The following ZNF90 variants were observed in gnomAD, a reference collection of about 807,000 sequenced individuals.
The protein encoded by ZNF90 is zinc finger protein HTF9.
In ZNF90, 11 loss-of-function variants were observed where a neutral mutation model predicts 12.0. That is an observed-to-expected ratio of 0.92 (90% CI 0.58 to 1.52). The LOEUF is 1.52. ZNF90 is among the 40% of genes most tolerant of loss of function. The pLI is 0.00. For missense variants in ZNF90, 765 were observed against 711.5 expected (o/e 1.08, Z -0.86); for synonymous variants, 232 against 240.1 (o/e 0.97, Z 0.31).
Position 20,110,181 on chromosome 19 carries a change from G to A in ZNF90, c.226+4865G>A, listed in dbSNP as rs781863825. Among the ~76,000 whole-genome samples, 14 of 152,128 alleles carry A rather than the reference G, an allele frequency of 9.2e-5. 1 individual carries two copies. Among genetic ancestry groups the A allele is most frequent in the East Asian group, 1.9e-4 (1 of 5,176 alleles). On this transcript the variant is annotated intron_variant, in intron 3 of 3. Coordinates refer to ENST00000418063, the MANE Select transcript of ZNF90 (RefSeq NM_007138.2). ...TTACTTTTTTTGATGTTTATAAATC[G>A]GGAGACATCTGGATTGCTTTGGGCT...
At chr19:20,089,187 T>C (rs1311038369) in intron 1 of ZNF90, among the ~76,000 whole-genome samples, 1 of 152,054 alleles carries the variant, frequency 6.6e-6, no homozygotes, top group Non-Finnish European at 1.5e-5. Context: ...GGTAACTGCA[T>C]AGAGGGGGAG....
chr19:20,080,444 C>T (rs1003171941), intron 1 of ZNF90: 38 of 314,992 alleles, frequency 1.2e-4, no homozygotes, highest in Non-Finnish European at 2.0e-4. Flanking sequence ...TGTTGGCAGC[C>T]GGGCGCCACA....
intron 3 of ZNF90, chr19:20,107,116 T>G (rs1555704574): frequency 2.4e-6 from 1 of 415,498 alleles, no homozygotes; most frequent in East Asian, 7.1e-5. Flanking sequence ...GTGGGCAGAA[T>G]TGGCCATGAT....
intron 1 of ZNF90, among the ~76,000 whole-genome samples, chr19:20,085,873 T>A (rs576119266): frequency 6.6e-6 from 1 of 152,368 alleles, no homozygotes; most frequent in African/African-American, 2.4e-5. Flanking sequence ...ACTTTGTTTT[T>A]GCTTCCAAAA....
intron 1 of ZNF90, among the ~76,000 whole-genome samples, chr19:20,083,314 T>C (rs2088834844): frequency 6.6e-6 from 1 of 151,984 alleles, no homozygotes; most frequent in Non-Finnish European, 1.5e-5. Flanking sequence ...GCATTAGTTT[T>C]CTTTTTTTTT....
Position 20,119,059 on chromosome 19 carries a change from T to C in ZNF90, c.1505T>C (p.Ile502Thr), listed in dbSNP as rs527799279. 15 of 1,607,716 alleles carry C rather than the reference T, an allele frequency of 9.3e-6. No individual in the cohort carries two copies. In the African/African-American group the frequency reaches 9.5e-5, roughly 10 times the overall value. The change falls in exon 4 of 4, where the codon ATT (isoleucine) becomes ACT (threonine). Residue 502 changes from isoleucine (I) to threonine (T), a missense_variant. Coordinates refer to ENST00000418063, the MANE Select transcript of ZNF90 (RefSeq NM_007138.2). ...TCAGCCCTTAGCACACATAAGATAA[T>C]TCACAGTGGAGAGAATCCCTACAAA... ...YSSALSTHKI[I>T]HSGENPYKCE...
intron 1 of ZNF90, among the ~76,000 whole-genome samples, chr19:20,089,795 G>A (rs1312777705): frequency 6.6e-6 from 1 of 152,114 alleles, no homozygotes; most frequent in African/African-American, 2.4e-5. Context: ...GGGGGGTGTT[G>A]CCCAGTCTGT....
intron 1 of ZNF90, among the ~76,000 whole-genome samples, chr19:20,088,823 C>T (rs1413443708): frequency 6.6e-6 from 1 of 152,162 alleles, no homozygotes; most frequent in Admixed American, 6.5e-5. Context: ...GCCTGCTATT[C>T]CAGTACCAAG....
At chr19:20,087,177 C>T (rs2088865996) in intron 1 of ZNF90, 1 of 152,032 alleles carries the variant, frequency 6.6e-6, no homozygotes, top group African/African-American at 2.4e-5. Flanking sequence ...GTAGCTTGCA[C>T]TTTGGGTGTT....
chr19:20,085,754 A>ATT (rs1199091624), intron 1 of ZNF90, among the ~76,000 whole-genome samples: 1 of 152,000 alleles, frequency 6.6e-6, no homozygotes, highest in African/African-American at 2.4e-5. Context: ...ATATGTAGAT[A>ATT]TTTTTCTTTG....
At chr19:20,117,549 G>C (rs1446050978) in intron 3 of ZNF90, 21 of 976,870 alleles carry the variant, frequency 2.1e-5, no homozygotes, top group Non-Finnish European at 2.6e-5. Context: ...GCAATTCTCT[G>C]CCTCAGCTTC....
At chr19:20,116,025 C>G (rs1210249143) in intron 3 of ZNF90, among the ~76,000 whole-genome samples, 1 of 152,120 alleles carries the variant, frequency 6.6e-6, no homozygotes, top group Non-Finnish European at 1.5e-5. Context: ...GTGCTTTCCA[C>G]TATGACTGGC....
chr19:20,083,836 C>G (rs561872174), intron 1 of ZNF90, among the ~76,000 whole-genome samples: 1 of 152,134 alleles, frequency 6.6e-6, no homozygotes, highest in Non-Finnish European at 1.5e-5. Context: ...TAGCCTGAAC[C>G]TTTCAGGCTC....
At chr19:20,105,145 T>C (rs772055139) in intron 2 of ZNF90, 76 bp from the exon 3 acceptor site, 33 of 1,113,932 alleles carry the variant, frequency 3.0e-5, no homozygotes, top group Non-Finnish European at 4.1e-5. Flanking sequence ...TATCACATCT[T>C]CTCTGCTGAG....
In ZNF90 at chr19:20,105,797, G is replaced by A. The variant is rs140234340; in HGVS notation, c.226+481G>A. ...CTTAAAATATCATTTGAAAGTATAA[G>A]TATGATATACTTCTGCTCTGTTCTT... is the stretch of plus-strand genomic sequence containing the variant. On this transcript the variant is annotated intron_variant, in intron 3 of 3. Coordinates refer to ENST00000418063, the MANE Select transcript of ZNF90 (RefSeq NM_007138.2). 6.4e-3 allele frequency among the ~76,000 whole-genome samples: 971 copies of A among 152,128 alleles called. 7 individuals are homozygous for A. The highest frequency in any genetic ancestry group is 0.011 in the Non-Finnish European group (719 of 67,996).
At chr19:20,115,304 A>ATAAT (rs2089127274) in intron 3 of ZNF90, among the ~76,000 whole-genome samples, 1 of 152,058 alleles carries the variant, frequency 6.6e-6, no homozygotes, top group African/African-American at 2.4e-5. Flanking sequence ...GATTGGAAAG[A>ATAAT]TAATTATACA....
intron 1 of ZNF90, among the ~76,000 whole-genome samples, chr19:20,103,821 A>G (rs78701914): frequency 6.9e-6 from 1 of 145,808 alleles, no homozygotes; most frequent in Non-Finnish European, 1.5e-5. Flanking sequence ...GATCTTCTGG[A>G]AAAAAAAAAA....
chr19:20,103,774 A>G (rs1268359486), intron 1 of ZNF90, among the ~76,000 whole-genome samples: 2 of 152,002 alleles, frequency 1.3e-5, no homozygotes, highest in African/African-American at 4.8e-5. Context: ...ATTATTCGTG[A>G]GCTTGTTAGA....
intron 1 of ZNF90, among the ~76,000 whole-genome samples, chr19:20,103,045 T>A (rs1284727628): frequency 6.6e-6 from 1 of 152,090 alleles, no homozygotes; most frequent in Non-Finnish European, 1.5e-5. Context: ...GTCGTGGGGG[T>A]GACAAAGTCT....
Sources: gnomAD v4.1 joint callset for allele counts (sites outside exome capture counted in the v4.1 genomes callset) on GRCh38, gnomAD v4.1.1 for gene constraint, MANE v1.5 for transcripts, NCBI Gene and HGNC (gene_info 2026-07-23, HGNC 2026-07-21) for gene names.